Variants in ATAD5 observed in about 807,000 individuals in gnomAD.
ATAD5 encodes the protein ATPase family AAA domain containing 5.
ATAD5 carries 58 observed loss-of-function variants against 176.9 expected under a neutral mutation model. The ratio of observed to expected loss-of-function variants is 0.33; its 90% CI spans 0.27 to 0.41. The LOEUF (loss-of-function observed/expected upper bound fraction) is 0.41, where lower values mean the gene tolerates loss of function less well. Ranked by LOEUF, ATAD5 falls within the 10% of genes least tolerant of loss-of-function variation. The pLI is 1.00. For synonymous variants in ATAD5, 640 were observed against 712.6 expected (o/e 0.90, Z 1.62); for missense variants, 1,789 against 2,094.1 (o/e 0.85, Z 2.84).
intron 20 of ATAD5, among the ~76,000 whole-genome samples, chr17:30,893,088 GAATTT>G (rs1291024431): frequency 6.6e-6 from 1 of 152,024 alleles, no homozygotes; most frequent in African/African-American, 2.4e-5. Flanking sequence ...AATACATAGA[GAATTT>G]AATTCTCCAA....
chr17:30,847,345 G>T (rs1205503656), intron 6 of ATAD5, among the ~76,000 whole-genome samples: 1 of 151,990 alleles, frequency 6.6e-6, no homozygotes, highest in African/African-American at 2.4e-5. Flanking sequence ...GAGAGAGAGA[G>T]AGAGAGATGG....
intron 9 of ATAD5, among the ~76,000 whole-genome samples, chr17:30,859,581 G>A (rs937790519): frequency 4.6e-5 from 7 of 151,866 alleles, no homozygotes; most frequent in Admixed American, 2.0e-4. Flanking sequence ...GGCTGGTCTC[G>A]ACCTCCTGAC....
Position 30,876,557 on chromosome 17 carries a change from C to G in ATAD5, c.3784+7C>G. 1 of 1,506,360 alleles carries G rather than the reference C, an allele frequency of 6.6e-7. No individual in the cohort carries two copies. Among genetic ancestry groups the G allele is most frequent in the Non-Finnish European group, 9.0e-7 (1 of 1,106,040 alleles). The allele number at this position is 1,506,360 out of a possible 1,614,324, so 93.3% of individuals were successfully genotyped here. ...CTTCTGGAAAATAATAAAGGTAAGA[C>G]ATTAAATTGACAAATTTTATATTTT... is the stretch of plus-strand genomic sequence containing the variant. On this transcript the variant is annotated splice_region_variant and intron_variant, in intron 15 of 22. Transcript: ENST00000321990.
At position 30,834,200 on chromosome 17, in the gene ATAD5, C is replaced by T. The variant is rs755236290; in HGVS notation, c.119C>T (p.Thr40Ile). The change falls in exon 2 of 23, where the codon ACA becomes ATA. Residue 40 changes from threonine (T) to isoleucine (I), a missense_variant. By Grantham distance (89) the Thr-to-Ile change is moderately conservative. Around this residue, in one of 6 missense-constraint regions of ATAD5, gnomAD observed 696 missense variants for 712.5 expected, o/e 0.98. Transcript: ENST00000321990. ...GACACATCTACCTGCAAAACAATTA[C>T]AAAATATTTATCACCACTAGGGAAG... ...DDDTSTCKTI[T>I]KYLSPLGKTR... 1.9e-6 allele frequency: 3 copies of T among 1,588,746 alleles called. No individual in the cohort carries two copies. The highest frequency in any genetic ancestry group is 2.3e-5 in the South Asian group (2 of 85,258).
chr17:30,889,886 C>CTTTTTTTTTTTTTTTTTTTTTTTTTTTT (rs60266614), intron 19 of ATAD5, among the ~76,000 whole-genome samples: 10 of 95,716 alleles, frequency 1.0e-4, no homozygotes, highest in East Asian at 2.7e-4. Context: ...TCTTTTCTTT[C>CTTTTTTTTTTTTTTTTTTTTTTTTTTTT]TTTTTTTTTT....
At position 30,887,314 on chromosome 17, in the gene ATAD5, AC is replaced by A; in HGVS notation, c.4201del (p.Gln1401AsnfsTer11). 1 of 1,608,504 alleles carries A rather than the reference AC, an allele frequency of 6.2e-7. No homozygotes were observed. The highest frequency in any genetic ancestry group is 8.5e-7 in the Non-Finnish European group (1 of 1,178,126). On this transcript the variant is annotated frameshift_variant, in exon 19 of 23. Transcript: ENST00000321990. LOFTEE classifies it high-confidence loss of function. Reference sequence around the variant, plus strand: ...ATATCAGAAAAAGTATCCTTTACTTACAATTCTGGATTAGAAGTGGAGGTGG... The same window carrying A: ...ATATCAGAAAAAGTATCCTTTACTTAAATTCTGGATTAGAAGTGGAGGTGG... ...CDIRKSILYL[Q>X]FWIRSGGGVL... is the part of the protein sequence containing the mutation.
At position 30,835,912 on chromosome 17, in the gene ATAD5, G is replaced by C. The variant is rs1363622961; in HGVS notation, c.1831G>C (p.Gly611Arg). The C allele has an allele frequency of 1.9e-6, 3 of 1,614,084 alleles. No individual in the cohort carries two copies. Among genetic ancestry groups the C allele is most frequent in the Non-Finnish European group, 2.5e-6 (3 of 1,180,030 alleles). ...CACACCTACTACAGAAACCATTAGAGGTATTGATTCTGACGATGTACAAGA... is the reference window on the plus strand; with the variant it reads ...CACACCTACTACAGAAACCATTAGACGTATTGATTCTGACGATGTACAAGA... ...SSTPTTETIR[G>R]IDSDDVQDNS... The change falls in exon 2 of 23, where the codon GGT (glycine) becomes CGT (arginine). Residue 611 changes from glycine (G) to arginine (R), a missense_variant. Transcript: ENST00000321990.
At chr17:30,870,930 A>G (rs1205288169) in intron 14 of ATAD5, among the ~76,000 whole-genome samples, 2 of 151,802 alleles carry the variant, frequency 1.3e-5, no homozygotes, top group South Asian at 4.2e-4. Context: ...TGCATATATG[A>G]GTTTATAGTT....
Position 30,832,285 on chromosome 17 carries a change from T to C in ATAD5, c.-63T>C. Reference sequence around the variant, plus strand: ...ACTGGAGCGGGCCGCCTCCATGGCCTCCAGGCAGGCCGGGCTGGACCGCGT... The same window carrying C: ...ACTGGAGCGGGCCGCCTCCATGGCCCCCAGGCAGGCCGGGCTGGACCGCGT... On this transcript the variant is annotated 5_prime_UTR_variant, in exon 1 of 23. Transcript: ENST00000321990. 1 of 1,388,130 alleles carries C rather than the reference T, an allele frequency of 7.2e-7. No homozygotes were observed. Among genetic ancestry groups the C allele is most frequent in the South Asian group, 1.8e-5 (1 of 55,314 alleles). 86.0% of individuals were successfully genotyped at this position (1,388,130 alleles called of 1,614,324 possible). A position where few individuals can be genotyped will look rare whatever the true frequency, so the allele number is the denominator to read the frequency against.
At chr17:30,849,027 T>C (rs1906707037) in intron 6 of ATAD5, among the ~76,000 whole-genome samples, 2 of 152,120 alleles carry the variant, frequency 1.3e-5, no homozygotes, top group Non-Finnish European at 2.9e-5. Context: ...TACGCCACCA[T>C]GCTCGGCTAA....
chr17:30,878,148 C>G, intron 17 of ATAD5, 52 bp downstream of exon 17: 7 of 1,153,432 alleles, frequency 6.1e-6, no homozygotes, highest in African/African-American at 1.6e-5. Context: ...ATCTGTAGTT[C>G]ATCTGCAGAC....
rs1035495002 is a variant in ATAD5, at chr17:30,894,832, C to T, written c.5457-3C>T. The T allele has an allele frequency of 6.3e-7, 1 of 1,579,966 alleles. No homozygotes were observed. Among genetic ancestry groups the T allele is most frequent in the African/African-American group, 1.4e-5 (1 of 72,852 alleles). On this transcript the variant is annotated splice_region_variant and splice_polypyrimidine_tract_variant and intron_variant, in intron 22 of 22. Coordinates refer to ENST00000321990, the MANE Select transcript of ATAD5 (RefSeq NM_024857.5). Reference sequence around the variant, plus strand: ...ATTGTATTTTTCTTTGTAATTTTGACAGATTCCTGCACTATTTTGAAGGAA... The same window carrying T: ...ATTGTATTTTTCTTTGTAATTTTGATAGATTCCTGCACTATTTTGAAGGAA...
At chr17:30,840,045 A>C (rs1421619986) in intron 3 of ATAD5, among the ~76,000 whole-genome samples, 2 of 151,920 alleles carry the variant, frequency 1.3e-5, no homozygotes, top group African/African-American at 4.8e-5. Flanking sequence ...TAAAAATACG[A>C]AAATTAGCTG....
In ATAD5 at chr17:30,835,086, G is replaced by A. The variant is rs769107316; in HGVS notation, c.1005G>A (p.Lys335=). 6.2e-7 allele frequency: 1 copy of A among 1,614,002 alleles called. No individual in the cohort carries two copies. The highest frequency in any genetic ancestry group is 1.1e-5 in the South Asian group (1 of 91,076). The change falls in exon 2 of 23, where the codon AAG becomes AAA. Residue 335 remains lysine, a synonymous_variant. Coordinates refer to ENST00000321990, the MANE Select transcript of ATAD5 (RefSeq NM_024857.5). Reference sequence around the variant, plus strand: ...AGGTTCACCCTATTCCGCCCAAAAAGACAGGGAAAATACCCCGAATTTTCT... The same window carrying A: ...AGGTTCACCCTATTCCGCCCAAAAAAACAGGGAAAATACCCCGAATTTTCT... ...LAQVHPIPPK[K]TGKIPRIFLK... is the part of the protein sequence containing the mutation.
chr17:30,844,798 A>G (rs768079008), intron 5 of ATAD5, 37 bp from the exon 6 acceptor site: 1 of 1,326,686 alleles, frequency 7.5e-7, no homozygotes, highest in Non-Finnish European at 1.1e-6. Flanking sequence ...TGGAGATGGT[A>G]AACATTGATA....
rs1368140817 is a variant in ATAD5, at chr17:30,860,550, G to A, written c.3074G>A (p.Arg1025Lys). 6.3e-7 allele frequency: 1 copy of A among 1,595,730 alleles called. No homozygotes were observed. Among genetic ancestry groups the A allele is most frequent in the Non-Finnish European group, 8.5e-7 (1 of 1,176,102 alleles). ...EYSKNLEKTN[R>K]KSEELSKRNN... ...TCAAAAAATCTGGAGAAGACCAATA[G>A]GAAGTCAGAAGAACTTAGCAAAAGA... Residue 1025 changes from arginine (R) to lysine (K), a missense_variant, in exon 10 of 23, where the codon AGG (arginine) becomes AAG (lysine). This residue lies in a region of ATAD5 where 487 missense variants were observed against 573.6 expected (regional missense o/e 0.85). Coordinates refer to ENST00000321990, the MANE Select transcript of ATAD5 (RefSeq NM_024857.5).
chr17:30,834,065 T>G, intron 1 of ATAD5, 83 bp from the exon 2 acceptor site: 1 of 1,159,834 alleles, frequency 8.6e-7, no homozygotes, highest in Non-Finnish European at 1.2e-6. Context: ...TCCTATTATG[T>G]AAACTATTAG....
intron 1 of ATAD5, among the ~76,000 whole-genome samples, chr17:30,832,965 C>G (rs191241292): frequency 2.3e-4 from 35 of 152,306 alleles, no homozygotes; most frequent in Admixed American, 1.1e-3. Context: ...GTGACAGGCA[C>G]TAAGCGGTCA....
intron 16 of ATAD5, 21 bp downstream of exon 16, chr17:30,877,570 A>G (rs1338803029): frequency 1.3e-6 from 2 of 1,587,904 alleles, no homozygotes. Context: ...AGAAGTATAC[A>G]TTTGTGAGAG....
Sources: gnomAD v4.1 joint callset for allele counts (sites outside exome capture counted in the v4.1 genomes callset) on GRCh38, gnomAD v4.1.1 for gene constraint, gnomAD v4.1.1 regional missense constraint, MANE v1.5 for transcripts, NCBI Gene and HGNC (gene_info 2026-07-23, HGNC 2026-07-21) for gene names.